The following EGFLAM variants were observed in gnomAD, a reference collection of about 807,000 sequenced individuals.
The protein encoded by EGFLAM is EGF like, fibronectin type III and laminin G domains, also known as pikachurin.
EGFLAM carries 79 observed loss-of-function variants against 113.1 expected under a neutral mutation model. The ratio of observed to expected loss-of-function variants is 0.70; its 90% confidence interval spans 0.58 to 0.84. The LOEUF (loss-of-function observed/expected upper bound fraction) is 0.84, where lower values mean the gene tolerates loss of function less well. EGFLAM is among the 40% of genes least tolerant of loss of function. EGFLAM has a pLI of 0.00. For synonymous variants in EGFLAM, 504 were observed against 487.6 expected, an observed-to-expected ratio of 1.03 and a Z score of -0.44; for missense variants, 1,265 against 1,291.6, an observed-to-expected ratio of 0.98 and a Z score of 0.32.
chr5:38,404,166 C>A (rs1247391215), intron 6 of EGFLAM, among the ~76,000 whole-genome samples: 3 of 152,168 alleles, frequency 2.0e-5, no homozygotes, highest in Non-Finnish European at 4.4e-5. Flanking sequence ...TCTGCCATTT[C>A]CTTCCACTCC....
At chr5:38,340,846 TG>T (rs751534294) in intron 3 of EGFLAM, among the ~76,000 whole-genome samples, 2 of 44,174 alleles carry the variant, frequency 4.5e-5, no homozygotes, top group Non-Finnish European at 7.9e-5. Context: ...TGTGTGTGTT[TG>T]GGGGGGTGGG....
chr5:38,400,353 A>G (rs1741076150), intron 6 of EGFLAM, among the ~76,000 whole-genome samples: 2 of 152,310 alleles, frequency 1.3e-5, no homozygotes, highest in Middle Eastern at 3.4e-3. Context: ...ACTTTTTTTA[A>G]TAACCCCTGA....
chr5:38,262,220 G>T (rs955457421), intron 1 of EGFLAM, among the ~76,000 whole-genome samples: 1 of 152,200 alleles, frequency 6.6e-6, no homozygotes, highest in Non-Finnish European at 1.5e-5. Context: ...AGTGCGGGAG[G>T]ACTGCCGTGC....
At position 38,458,366 on chromosome 5, in the gene EGFLAM, G is replaced by A. The variant is rs532219533; in HGVS notation, c.2743G>A (p.Gly915Ser). 6.2e-6 allele frequency: 10 copies of A among 1,614,040 alleles called. No individual in the cohort carries two copies. In the East Asian group the frequency reaches 2.2e-4, roughly 36 times the overall value. ...SIMVNGSFND[G>S]RWHRVKAVRD... ...CATGGTGAATGGCTCCTTCAACGAT[G>A]GTCGGTGGCACCGAGTTAAGGCCGT... Residue 915 changes from glycine (G) to serine (S), a missense_variant, in exon 20 of 22, where the codon GGT becomes AGT. Coordinates refer to ENST00000322350, the MANE Select transcript of EGFLAM (RefSeq NM_152403.4).
intron 6 of EGFLAM, 160 bp from the exon 7 acceptor site, chr5:38,405,966 T>G (rs531317868): frequency 1.5e-6 from 1 of 652,826 alleles, no homozygotes; most frequent in Admixed American, 2.5e-5. Context: ...TTTTTATATC[T>G]TTTGGTCATT....
At chr5:38,289,037 G>T (rs1291208007) in intron 1 of EGFLAM, among the ~76,000 whole-genome samples, 1 of 152,102 alleles carries the variant, frequency 6.6e-6, no homozygotes, top group Admixed American at 6.5e-5. Flanking sequence ...CTGCCCTTAT[G>T]GGGGAGTGGG....
intron 1 of EGFLAM, among the ~76,000 whole-genome samples, chr5:38,271,729 C>T (rs185599462): frequency 1.5e-3 from 224 of 152,296 alleles, no homozygotes; most frequent in Admixed American, 2.4e-3. Context: ...CCTCTCTTCT[C>T]CCTTTCTACT....
intron 5 of EGFLAM, among the ~76,000 whole-genome samples, chr5:38,363,369 T>A (rs1739977791): frequency 6.6e-6 from 1 of 152,188 alleles, no homozygotes; most frequent in South Asian, 2.1e-4. Context: ...TCAGGAAATA[T>A]AATTCAAGGG....
intron 12 of EGFLAM, among the ~76,000 whole-genome samples, chr5:38,421,113 C>A (rs1370548646): frequency 1.3e-5 from 2 of 152,176 alleles, no homozygotes; most frequent in African/African-American, 4.8e-5. Flanking sequence ...CATCTGATAT[C>A]TCTAACTTGT....
At chr5:38,379,265 GAGGAGAAA>G (rs1264874058) in intron 6 of EGFLAM, among the ~76,000 whole-genome samples, 1 of 152,158 alleles carries the variant, frequency 6.6e-6, no homozygotes, top group African/African-American at 2.4e-5. Flanking sequence ...GGCAGATTAA[GAGGAGAAA>G]AGGTACACAC....
At position 38,385,290 on chromosome 5, in the gene EGFLAM, C is replaced by CG. The variant is rs1554010270; in HGVS notation, c.712+14829dup. On this transcript the variant is annotated intron_variant, in intron 6 of 21. Coordinates refer to ENST00000322350, the MANE Select transcript of EGFLAM (RefSeq NM_152403.4). Reference sequence around the variant, plus strand: ...CTGTTTCCCACCCACCCCCCCCCCCCGCCCCCGCCACCGCCAACAAACACC... The same window carrying CG: ...CTGTTTCCCACCCACCCCCCCCCCCCGGCCCCCGCCACCGCCAACAAACACC... 2.6e-5 allele frequency among the ~76,000 whole-genome samples: 3 copies of CG among 116,274 alleles called. No individual in the cohort carries two copies. In the East Asian group the frequency reaches 1.0e-3, roughly 39 times the overall value. 76.3% of individuals were successfully genotyped at this position (116,274 alleles called of 152,430 possible). A position where few individuals can be genotyped will look rare whatever the true frequency, so the allele number is the denominator to read the frequency against.
chr5:38,413,630 T>C (rs957815589), intron 11 of EGFLAM, among the ~76,000 whole-genome samples: 1 of 152,206 alleles, frequency 6.6e-6, no homozygotes, highest in Non-Finnish European at 1.5e-5. Context: ...CCTATAATTA[T>C]AATCAGGCAG....
intron 3 of EGFLAM, among the ~76,000 whole-genome samples, chr5:38,343,868 T>G (rs780106294): frequency 6.6e-6 from 1 of 152,190 alleles, no homozygotes; most frequent in Admixed American, 6.5e-5. Flanking sequence ...TCATAGACTT[T>G]CAGTGTTGAA....
At chr5:38,381,939 C>T (rs943453507) in intron 6 of EGFLAM, among the ~76,000 whole-genome samples, 2 of 152,084 alleles carry the variant, frequency 1.3e-5, no homozygotes, top group African/African-American at 4.8e-5. Context: ...ATTCCTCAAG[C>T]GTGTTCAGAG....
chr5:38,435,984 A>G (rs1166240832), intron 16 of EGFLAM, among the ~76,000 whole-genome samples: 1 of 151,618 alleles, frequency 6.6e-6, no homozygotes, highest in Middle Eastern at 3.2e-3. Flanking sequence ...CGTCCAGCTA[A>G]TTTTTGTATT....
intron 18 of EGFLAM, among the ~76,000 whole-genome samples, chr5:38,450,312 C>T (rs1023745803): frequency 2.6e-5 from 4 of 152,284 alleles, no homozygotes; most frequent in East Asian, 1.9e-4. Flanking sequence ...TGGGGGGCCT[C>T]GCTCTTCCCT....
At chr5:38,416,003 G>A (rs921932348) in intron 11 of EGFLAM, among the ~76,000 whole-genome samples, 12 of 151,822 alleles carry the variant, frequency 7.9e-5, no homozygotes, top group African/African-American at 9.7e-5. Flanking sequence ...GATTATAGGA[G>A]CTACAATTCA....
At chr5:38,278,229 T>C (rs1030529283) in intron 1 of EGFLAM, among the ~76,000 whole-genome samples, 2 of 152,070 alleles carry the variant, frequency 1.3e-5, no homozygotes, top group African/African-American at 2.4e-5. Flanking sequence ...AGTCCAAAAG[T>C]AAATCCACAC....
intron 19 of EGFLAM, among the ~76,000 whole-genome samples, chr5:38,455,128 G>A (rs1211476316): frequency 6.6e-6 from 1 of 152,160 alleles, no homozygotes; most frequent in African/African-American, 2.4e-5. Context: ...ACGAAGAGGG[G>A]GAAGAGACTT....
Sources: gnomAD v4.1 joint callset for allele counts (sites outside exome capture counted in the v4.1 genomes callset) on GRCh38, gnomAD v4.1.1 for gene constraint, MANE v1.5 for transcripts, NCBI Gene and HGNC (gene_info 2026-07-23, HGNC 2026-07-21) for gene names.